Variants in NCKAP5 observed in about 807,000 individuals in gnomAD.
NCKAP5 encodes the protein NCK associated protein 5.
In NCKAP5, 92 loss-of-function variants were observed where a neutral mutation model predicts 167.0. That is an observed-to-expected ratio of 0.55 (90% confidence interval 0.47 to 0.66). The LOEUF (loss-of-function observed/expected upper bound fraction) is 0.66. Among genes scored for constraint, NCKAP5 ranks in the 30% least tolerant of loss-of-function variants. The pLI, the probability that NCKAP5 is intolerant of heterozygous loss-of-function variation, is 0.00. For missense variants in NCKAP5, 2,378 were observed against 2,315.0 expected, an observed-to-expected ratio of 1.03 and a Z score of -0.56; for synonymous variants, 891 against 877.4, an observed-to-expected ratio of 1.02 and a Z score of -0.27.
intron 3 of NCKAP5, among the ~76,000 whole-genome samples, chr2:133,315,030 G>A (rs1490303308): frequency 6.6e-6 from 1 of 152,140 alleles, no homozygotes. Flanking sequence ...GGGGAGGAGG[G>A]TGATCATCAC....
intron 8 of NCKAP5, among the ~76,000 whole-genome samples, chr2:132,952,853 G>A (rs2076230078): frequency 6.6e-6 from 1 of 152,214 alleles, no homozygotes; most frequent in African/African-American, 2.4e-5. Flanking sequence ...CCATAGCTCA[G>A]GATGGTTTGC....
chr2:133,305,328 C>T (rs1680702408), intron 3 of NCKAP5, among the ~76,000 whole-genome samples: 1 of 152,182 alleles, frequency 6.6e-6, no homozygotes, highest in South Asian at 2.1e-4. Flanking sequence ...CCCCTGGTCA[C>T]ATTATTAAAT....
Position 132,800,875 on chromosome 2 carries a change from C to T in NCKAP5, c.808-4146G>A, listed in dbSNP as rs549702856. Reference sequence around the variant, plus strand: ...CAACTCCATGAAAATGCAGGTCAATCCCTTAATTTCTACATTGTCCCAGTG... The same window carrying T: ...CAACTCCATGAAAATGCAGGTCAATTCCTTAATTTCTACATTGTCCCAGTG... On this transcript the variant is annotated intron_variant, in intron 11 of 19. Transcript: ENST00000409261. 2.6e-5 allele frequency among the ~76,000 whole-genome samples: 4 copies of T among 152,288 alleles called. No homozygotes were observed. In the South Asian group the frequency reaches 6.2e-4, roughly 24 times the overall value.
rs34750625 is a variant in NCKAP5, at chr2:133,326,458, CAAAAAAAAAAA to C, written c.70-23359_70-23349del. 6.1e-5 allele frequency among the ~76,000 whole-genome samples: 3 copies of C among 49,016 alleles called. No homozygotes were observed. The East Asian group carries it at 1.9e-3, about 32-fold the overall frequency. The allele number at this position is 49,016 out of a possible 152,430, so 32.2% of individuals were successfully genotyped here. A position where few individuals can be genotyped will look rare whatever the true frequency, so the allele number is the denominator to read the frequency against. On this transcript the variant is annotated intron_variant, in intron 3 of 19. Coordinates refer to ENST00000409261, the MANE Select transcript of NCKAP5 (RefSeq NM_207363.3). ...GTGACAGAGCAAGACTCAGTCTCAACAAAAAAAAAAAAAAAAAAAAAAGAGAAAAAGAAAGA... is the reference window on the plus strand; with the variant it reads ...GTGACAGAGCAAGACTCAGTCTCAACAAAAAAAAAAAGAGAAAAAGAAAGA...
intron 4 of NCKAP5, among the ~76,000 whole-genome samples, chr2:133,285,616 A>G (rs1424281720): frequency 6.6e-6 from 1 of 152,186 alleles, no homozygotes; most frequent in African/African-American, 2.4e-5. Context: ...AGCACACTAT[A>G]TCTTCAAAAA....
At chr2:132,716,219 A>G (rs1221219103) in intron 19 of NCKAP5, among the ~76,000 whole-genome samples, 2 of 152,320 alleles carry the variant, frequency 1.3e-5, no homozygotes, top group Non-Finnish European at 1.5e-5. Context: ...CAAAAAAGCC[A>G]TCCTCAAACA....
At chr2:133,046,351 G>A (rs1320907599) in intron 6 of NCKAP5, among the ~76,000 whole-genome samples, 1 of 152,152 alleles carries the variant, frequency 6.6e-6, no homozygotes, top group East Asian at 1.9e-4. Flanking sequence ...CAAAAGGAGA[G>A]TCCCTCCAAT....
chr2:132,902,997 G>A (rs797019529), intron 8 of NCKAP5, among the ~76,000 whole-genome samples: 5 of 152,168 alleles, frequency 3.3e-5, no homozygotes, highest in African/African-American at 1.2e-4. Context: ...ACAGCTTATC[G>A]ACACCCTCAC....
intron 5 of NCKAP5, among the ~76,000 whole-genome samples, chr2:133,194,841 A>C (rs2085370135): frequency 6.6e-6 from 1 of 151,284 alleles, no homozygotes; most frequent in African/African-American, 2.4e-5. Flanking sequence ...AGCTCGTGGA[A>C]GTATAGACAG....
At chr2:133,253,862 C>A (rs563536182) in intron 4 of NCKAP5, among the ~76,000 whole-genome samples, 29 of 152,328 alleles carry the variant, frequency 1.9e-4, no homozygotes, top group African/African-American at 6.5e-4. Context: ...CCCACCAGCT[C>A]CCCTACAATG....
intron 6 of NCKAP5, among the ~76,000 whole-genome samples, chr2:133,120,315 A>T (rs1235809591): frequency 1.3e-5 from 2 of 152,250 alleles, no homozygotes; most frequent in Non-Finnish European, 2.9e-5. Context: ...GTAGACATTT[A>T]TAAACAAGGA....
chr2:133,664,275 AG>A, the NCKAP5 span, among the ~76,000 whole-genome samples: 1 of 152,166 alleles, frequency 6.6e-6, no homozygotes, highest in Admixed American at 6.5e-5. Flanking sequence ...GAGCATAGGC[AG>A]GGTAGATTTA....
chr2:132,857,310 C>T (rs1437657211), intron 11 of NCKAP5, among the ~76,000 whole-genome samples: 1 of 152,106 alleles, frequency 6.6e-6, no homozygotes, highest in Non-Finnish European at 1.5e-5. Flanking sequence ...ACATTTAATA[C>T]AATTTCTGGT....
At chr2:133,672,258 G>T in the NCKAP5 span, among the ~76,000 whole-genome samples, 1 of 152,136 alleles carries the variant, frequency 6.6e-6, no homozygotes, top group African/African-American at 2.4e-5. Context: ...CATAAGAGAG[G>T]AGAGCATCTT....
At chr2:133,150,256 T>C (rs973974110) in intron 5 of NCKAP5, among the ~76,000 whole-genome samples, 5 of 152,202 alleles carry the variant, frequency 3.3e-5, no homozygotes, top group African/African-American at 1.2e-4. Context: ...CTACCCAGGA[T>C]GTGAACCTAG....
intron 3 of NCKAP5, among the ~76,000 whole-genome samples, chr2:133,331,636 G>A (rs1682861993): frequency 6.6e-6 from 1 of 152,132 alleles, no homozygotes; most frequent in Non-Finnish European, 1.5e-5. Context: ...TTCCACTTAA[G>A]GGCATAAACA....
At chr2:133,346,912 G>A (rs558236181) in intron 3 of NCKAP5, among the ~76,000 whole-genome samples, 2 of 152,326 alleles carry the variant, frequency 1.3e-5, no homozygotes, top group Admixed American at 6.5e-5. Context: ...ATTTCTGTGA[G>A]CTCTGACAAG....
At chr2:132,852,981 T>C (rs986988751) in intron 11 of NCKAP5, among the ~76,000 whole-genome samples, 8 of 152,246 alleles carry the variant, frequency 5.3e-5, no homozygotes, top group African/African-American at 1.9e-4. Flanking sequence ...CCTCAGGAGC[T>C]AGTACACTAC....
chr2:133,616,491 A>G, the NCKAP5 span, among the ~76,000 whole-genome samples: 1 of 151,256 alleles, frequency 6.6e-6, no homozygotes, highest in Admixed American at 6.6e-5. Flanking sequence ...TCCCACAGAA[A>G]TACAAACTAC....
Sources: allele counts gnomAD v4.1 joint callset (sites outside exome capture counted in the v4.1 genomes callset), GRCh38; gene constraint gnomAD v4.1.1; transcripts MANE v1.5; gene names NCBI Gene and HGNC (gene_info 2026-07-23, HGNC 2026-07-21).